Variants in ARMH3 observed in about 807,000 individuals in gnomAD.
The protein encoded by ARMH3 is armadillo like helical domain containing 3, also known as armadillo-like helical domain-containing protein 3.
Under a neutral mutation model 99.1 loss-of-function variants are expected in ARMH3, and 60 were observed. The observed-to-expected ratio is 0.61, with a 90% CI of 0.49 to 0.75. ARMH3 has a LOEUF of 0.75. Among genes scored for constraint, ARMH3 ranks in the 30% least tolerant of loss-of-function variants. The pLI, the probability that ARMH3 is intolerant of heterozygous loss-of-function variation, is 0.00. For missense variants in ARMH3, 679 were observed against 843.1 expected (o/e 0.81, Z 2.41); for synonymous variants, 285 against 292.8 (o/e 0.97, Z 0.27).
chr10:101,907,819 G>A (rs1029526334), intron 23 of ARMH3, among the ~76,000 whole-genome samples: 1 of 152,190 alleles, frequency 6.6e-6, no homozygotes, highest in Admixed American at 6.5e-5. Flanking sequence ...ACCCAAGGTA[G>A]TATCCTAATA....
intron 24 of ARMH3, among the ~76,000 whole-genome samples, chr10:101,875,987 G>A (rs546589909): frequency 2.6e-5 from 4 of 152,086 alleles, no homozygotes; most frequent in South Asian, 2.1e-4. Context: ...AGTGGTTCAC[G>A]CCTGTAATCC....
chr10:101,976,477 G>A (rs1846019734), intron 19 of ARMH3, among the ~76,000 whole-genome samples: 1 of 150,792 alleles, frequency 6.6e-6, no homozygotes, highest in Non-Finnish European at 1.5e-5. Context: ...ATGGGAAAAG[G>A]GTGCTATAAC....
At chr10:101,968,041 T>TA (rs879506217) in intron 20 of ARMH3, among the ~76,000 whole-genome samples, 70 of 144,732 alleles carry the variant, frequency 4.8e-4, no homozygotes, top group Middle Eastern at 3.6e-3. Flanking sequence ...GTGTATCTGC[T>TA]AAAAAAAAAA....
intron 15 of ARMH3, among the ~76,000 whole-genome samples, chr10:101,999,647 CATG>C (rs1405758403): frequency 6.6e-6 from 1 of 152,172 alleles, no homozygotes; most frequent in Non-Finnish European, 1.5e-5. Context: ...CTAAATATTA[CATG>C]ATACTACAGA....
intron 23 of ARMH3, among the ~76,000 whole-genome samples, chr10:101,928,298 A>T (rs914674584): frequency 2.6e-5 from 4 of 152,172 alleles, no homozygotes; most frequent in African/African-American, 9.7e-5. Flanking sequence ...CATATCTACA[A>T]GGCTTCAAAT....
intron 19 of ARMH3, among the ~76,000 whole-genome samples, chr10:101,983,283 TATTTTA>T (rs1846313119): frequency 6.6e-6 from 1 of 152,178 alleles, no homozygotes; most frequent in Admixed American, 6.5e-5. Flanking sequence ...GTTTTTATTT[TATTTTA>T]TTTATTTTTT....
intron 12 of ARMH3, 85 bp downstream of exon 12, chr10:102,009,892 A>T: frequency 8.0e-7 from 1 of 1,248,476 alleles, no homozygotes; most frequent in Non-Finnish European, 1.1e-6. Context: ...AAAGATTAGC[A>T]AGAGGTAACA....
intron 24 of ARMH3, among the ~76,000 whole-genome samples, chr10:101,861,162 T>C (rs1015317125): frequency 6.6e-6 from 1 of 152,066 alleles, no homozygotes; most frequent in East Asian, 1.9e-4. Context: ...CACATTGTAA[T>C]GAAACTAGTG....
rs141839661 is a variant in ARMH3, at chr10:101,872,390, T to C, written c.1860+17022A>G. Among the ~76,000 whole-genome samples, 636 of 152,218 alleles carry C rather than the reference T, an allele frequency of 4.2e-3. 11 individuals are homozygous for C. The highest frequency in any genetic ancestry group is 0.014 in the African/African-American group (590 of 41,536). ...TGGACACTTCACAAAAGAAGATATA[T>C]AATGGCCACATAAAAAGCTGCTCTA... On this transcript the variant is annotated intron_variant, in intron 24 of 25. Transcript: ENST00000370033.
chr10:102,009,974 T>TA lies in ARMH3; in HGVS notation c.878+2dup, dbSNP rs747786658. The TA allele has an allele frequency of 1.9e-6, 3 of 1,613,706 alleles. No homozygotes were observed. Among genetic ancestry groups the TA allele is most frequent in the Admixed American group, 1.7e-5 (1 of 59,994 alleles). Reference sequence around the variant, plus strand: ...TCACTGCACAAGAATGTCAGGCACTTACTGTACTGAGATTTTCTCATGGGC... The same window carrying TA: ...TCACTGCACAAGAATGTCAGGCACTTAACTGTACTGAGATTTTCTCATGGGC... On this transcript the variant is annotated splice_region_variant and intron_variant, in intron 12 of 25. Coordinates refer to ENST00000370033, the MANE Select transcript of ARMH3 (RefSeq NM_024541.3).
At chr10:101,891,308 G>A (rs1042522764) in intron 23 of ARMH3, among the ~76,000 whole-genome samples, 5 of 151,684 alleles carry the variant, frequency 3.3e-5, no homozygotes, top group Admixed American at 6.6e-5. Flanking sequence ...CAATTCTTCT[G>A]CCTCAGCTTC....
At chr10:101,924,084 T>C (rs1843408768) in intron 23 of ARMH3, among the ~76,000 whole-genome samples, 1 of 152,190 alleles carries the variant, frequency 6.6e-6, no homozygotes, top group Non-Finnish European at 1.5e-5. Context: ...AAGGCGTATT[T>C]ATTAAATGTG....
chr10:101,946,573 G>A (rs935146503), intron 22 of ARMH3, among the ~76,000 whole-genome samples: 4 of 152,220 alleles, frequency 2.6e-5, no homozygotes, highest in Admixed American at 6.5e-5. Flanking sequence ...GACTGACAAA[G>A]GAGTCAGTGA....
intron 24 of ARMH3, among the ~76,000 whole-genome samples, chr10:101,884,042 G>C (rs1035623911): frequency 2.0e-5 from 3 of 151,678 alleles, no homozygotes; most frequent in African/African-American, 7.3e-5. Flanking sequence ...GAAAATTAGG[G>C]TGCAGGCCAC....
chr10:101,918,009 G>T (rs1431254205), intron 23 of ARMH3, among the ~76,000 whole-genome samples: 2 of 151,958 alleles, frequency 1.3e-5, no homozygotes, highest in Non-Finnish European at 2.9e-5. Flanking sequence ...ATTTTCAATT[G>T]AGCCAAGAAT....
chr10:101,946,454 G>A (rs1272930686), intron 22 of ARMH3, among the ~76,000 whole-genome samples: 1 of 151,932 alleles, frequency 6.6e-6, no homozygotes, highest in African/African-American at 2.4e-5. Context: ...TGAGGCTACA[G>A]TGAGCCAAGA....
chr10:101,995,317 T>C lies in ARMH3; in HGVS notation c.1189A>G (p.Ile397Val), dbSNP rs771420720. The part of the protein sequence containing the change: ...RLHSGKLCLI[I>V]LTCIAEDQYA... Reference sequence around the variant, plus strand: ...CCTACCTCTGCAATACATGTAAGGATAATCAGACAGAGTTTGCCACTGTGA... The same window carrying C: ...CCTACCTCTGCAATACATGTAAGGACAATCAGACAGAGTTTGCCACTGTGA... The change falls in exon 16 of 26, where the codon ATC (isoleucine) becomes GTC (valine). Residue 397 changes from isoleucine to valine, a missense_variant. Physicochemically the swap from Ile to Val is conservative, Grantham distance 29 (BLOSUM62 3). Transcript: ENST00000370033. 6.2e-7 allele frequency: 1 copy of C among 1,613,986 alleles called. No individual in the cohort carries two copies. Among genetic ancestry groups the C allele is most frequent in the Non-Finnish European group, 8.5e-7 (1 of 1,179,880 alleles).
intron 24 of ARMH3, among the ~76,000 whole-genome samples, chr10:101,881,425 G>A (rs1329911345): frequency 6.6e-6 from 1 of 152,128 alleles, no homozygotes; most frequent in Non-Finnish European, 1.5e-5. Flanking sequence ...TGAGGGTTGG[G>A]GGGAAGTTGT....
At chr10:102,032,925 C>A in intron 4 of ARMH3, 101 bp downstream of exon 4, 17 of 1,326,016 alleles carry the variant, frequency 1.3e-5, no homozygotes, top group South Asian at 3.1e-5. Context: ...AAAAAGAAAA[C>A]CTCATACCTC....
Sources: gnomAD v4.1 joint callset for allele counts (sites outside exome capture counted in the v4.1 genomes callset) on GRCh38, gnomAD v4.1.1 for gene constraint, MANE v1.5 for transcripts, NCBI Gene and HGNC (gene_info 2026-07-23, HGNC 2026-07-21) for gene names.